Variants in NRXN3 observed in about 807,000 individuals in gnomAD.
The protein encoded by NRXN3 is neurexin III.
In NRXN3, 32 loss-of-function variants were observed where a neutral mutation model predicts 137.6. That is an observed-to-expected ratio of 0.23 (90% CI 0.18 to 0.31). The LOEUF (loss-of-function observed/expected upper bound fraction) is 0.31. Among genes scored for constraint, NRXN3 ranks in the 10% least tolerant of loss-of-function variants. The probability of loss-of-function intolerance (pLI) is 1.00; values close to 1 mark genes in which losing one functional copy is unlikely to be tolerated. For synonymous variants in NRXN3, 798 were observed against 784.5 expected (o/e 1.02, Z -0.29); for missense variants, 1,574 against 2,062.5 (o/e 0.76, Z 4.59).
chr14:78,686,291 T>C (rs1224267335), intron 6 of NRXN3, among the ~76,000 whole-genome samples: 1 of 152,240 alleles, frequency 6.6e-6, no homozygotes, highest in Admixed American at 6.5e-5. Context: ...CTCTTGGCAC[T>C]AGCAGAATCT....
At position 78,476,895 on chromosome 14, in the gene NRXN3, A is replaced by C. The variant is rs1229158899; in HGVS notation, c.758-168225A>C. On this transcript the variant is annotated intron_variant, in intron 4 of 20. Transcript: ENST00000335750. ...TATCTTCCATAACACCTTAGATGAA[A>C]TGTTTCTTTTTGGGCTCGTATTCAA... Among the ~76,000 whole-genome samples, 6 of 152,292 alleles carry C rather than the reference A, an allele frequency of 3.9e-5. No individual in the cohort carries two copies. The East Asian group carries it at 7.7e-4, about 20-fold the overall frequency.
At chr14:79,399,939 T>C (rs1567019237) in intron 15 of NRXN3, among the ~76,000 whole-genome samples, 1 of 152,150 alleles carries the variant, frequency 6.6e-6, no homozygotes, top group Non-Finnish European at 1.5e-5. Flanking sequence ...TTTAGCAGCG[T>C]CACTCCAGTC....
intron 2 of NRXN3, among the ~76,000 whole-genome samples, chr14:78,272,965 TA>T (rs887214111): frequency 1.2e-4 from 18 of 152,098 alleles, no homozygotes; most frequent in East Asian, 1.9e-4. Flanking sequence ...TTTTGTCTAT[TA>T]AAAAAATCAA....
intron 8 of NRXN3, among the ~76,000 whole-genome samples, chr14:78,795,922 G>A (rs1349280986): frequency 1.3e-5 from 2 of 152,210 alleles, no homozygotes; most frequent in African/African-American, 4.8e-5. Context: ...TATTTAAACT[G>A]TAACCAGCTG....
intron 4 of NRXN3, among the ~76,000 whole-genome samples, chr14:78,500,075 G>A (rs528737154): frequency 1.2e-3 from 186 of 152,242 alleles, no homozygotes; most frequent in African/African-American, 4.2e-3. Context: ...GTCTGCCATA[G>A]CATGCCTGAC....
At chr14:78,476,785 C>T (rs1394439502) in intron 4 of NRXN3, among the ~76,000 whole-genome samples, 1 of 152,116 alleles carries the variant, frequency 6.6e-6, no homozygotes, top group East Asian at 1.9e-4. Context: ...AACAAAAATA[C>T]CATATAGCAA....
At chr14:78,722,274 G>A (rs1018722948) in intron 8 of NRXN3, among the ~76,000 whole-genome samples, 1 of 152,074 alleles carries the variant, frequency 6.6e-6, no homozygotes, top group Non-Finnish European at 1.5e-5. Flanking sequence ...ATGAACCAAC[G>A]GCACACCTGC....
chr14:79,190,712 G>A (rs1403503545), intron 15 of NRXN3, among the ~76,000 whole-genome samples: 2 of 152,148 alleles, frequency 1.3e-5, no homozygotes, highest in Non-Finnish European at 2.9e-5. Flanking sequence ...AGATCCCCTG[G>A]AATTATGAAT....
chr14:79,220,101 GA>G (rs1738964635), intron 15 of NRXN3, among the ~76,000 whole-genome samples: 1 of 152,080 alleles, frequency 6.6e-6, no homozygotes, highest in Admixed American at 6.6e-5. Context: ...CGTTATGTTG[GA>G]AAACTGCATG....
At chr14:79,135,877 T>C (rs895821315) in intron 15 of NRXN3, among the ~76,000 whole-genome samples, 2 of 152,244 alleles carry the variant, frequency 1.3e-5, no homozygotes, top group Admixed American at 6.5e-5. Context: ...CATTGTTGAC[T>C]GAGCCTTGAC....
chr14:78,455,861 C>T (rs2094685442), intron 4 of NRXN3, among the ~76,000 whole-genome samples: 1 of 152,216 alleles, frequency 6.6e-6, no homozygotes, highest in East Asian at 1.9e-4. Context: ...GGACATCTCA[C>T]ATTCCTCCCT....
intron 17 of NRXN3, among the ~76,000 whole-genome samples, chr14:79,672,463 G>A (rs1001766118): frequency 9.9e-5 from 15 of 151,834 alleles, no homozygotes; most frequent in Non-Finnish European, 1.9e-4. Context: ...CACTTTATGG[G>A]ATTTTTAAAA....
intron 16 of NRXN3, among the ~76,000 whole-genome samples, chr14:79,625,392 A>G (rs936139707): frequency 1.4e-4 from 21 of 152,184 alleles, no homozygotes; most frequent in African/African-American, 4.8e-4. Flanking sequence ...TTGTTTCCAT[A>G]TCTTAGCTAT....
intron 4 of NRXN3, among the ~76,000 whole-genome samples, chr14:78,478,462 C>T (rs1015609841): frequency 2.0e-5 from 3 of 152,048 alleles, no homozygotes; most frequent in African/African-American, 4.8e-5. Context: ...TATTGATTAT[C>T]TCTCTGTTGA....
chr14:79,078,092 A>C (rs919033716), intron 15 of NRXN3, among the ~76,000 whole-genome samples: 2 of 152,090 alleles, frequency 1.3e-5, no homozygotes, highest in African/African-American at 4.8e-5. Context: ...TTCCCTTCTG[A>C]TGTTATTTTT....
chr14:79,580,289 TC>T (rs550156922), intron 16 of NRXN3, among the ~76,000 whole-genome samples: 38 of 152,350 alleles, frequency 2.5e-4, no homozygotes, highest in African/African-American at 8.2e-4. Flanking sequence ...TGATTTCTTT[TC>T]CTTTGGATAA....
chr14:79,367,648 T>A, intron 15 of NRXN3, among the ~76,000 whole-genome samples: 1 of 152,218 alleles, frequency 6.6e-6, no homozygotes, highest in East Asian at 1.9e-4. Flanking sequence ...ATTTGCATTA[T>A]TGTTATTATT....
At chr14:79,196,419 G>A (rs2065135544) in intron 15 of NRXN3, among the ~76,000 whole-genome samples, 1 of 152,146 alleles carries the variant, frequency 6.6e-6, no homozygotes, top group South Asian at 2.1e-4. Context: ...GCATGGGAGA[G>A]AGCCAAACTC....
intron 15 of NRXN3, among the ~76,000 whole-genome samples, chr14:79,037,219 A>C (rs986104764): frequency 1.1e-4 from 17 of 152,188 alleles, no homozygotes; most frequent in African/African-American, 3.9e-4. Context: ...GAGCCTGACA[A>C]ATCTCCTGTT....
Sources: allele counts gnomAD v4.1 joint callset (sites outside exome capture counted in the v4.1 genomes callset), GRCh38; gene constraint gnomAD v4.1.1; transcripts MANE v1.5; gene names NCBI Gene and HGNC (gene_info 2026-07-23, HGNC 2026-07-21).